AFG1L: variants seen among roughly 807,000 people sequenced by gnomAD.
The protein encoded by AFG1L is AFG1-like ATPase.
In AFG1L, 53 loss-of-function variants were observed where a neutral mutation model predicts 62.2. That is an observed-to-expected ratio of 0.85 (90% CI 0.68 to 1.07). The LOEUF is 1.07. Among genes scored for constraint, AFG1L ranks in the 50% least tolerant of loss-of-function variants. The pLI is 0.00. For synonymous variants in AFG1L, 228 were observed against 210.3 expected (o/e 1.08, Z -0.73); for missense variants, 555 against 590.5 (o/e 0.94, Z 0.62).
At chr6:108,473,724 A>AT (rs1772995488) in intron 8 of AFG1L, among the ~76,000 whole-genome samples, 2 of 151,802 alleles carry the variant, frequency 1.3e-5, no homozygotes, top group Admixed American at 6.6e-5. Context: ...CACCCAGCTA[A>AT]TTTTTTGTAT....
chr6:108,447,387 G>A, intron 8 of AFG1L, 91 bp downstream of exon 8: 1 of 718,452 alleles, frequency 1.4e-6, no homozygotes, highest in Non-Finnish European at 2.4e-6. Context: ...GAACGTGAAA[G>A]GCTGGTTCTG....
At chr6:108,343,498 C>G (rs1778758291) in intron 2 of AFG1L, among the ~76,000 whole-genome samples, 1 of 152,162 alleles carries the variant, frequency 6.6e-6, no homozygotes, top group South Asian at 2.1e-4. Context: ...ACTATTCCCA[C>G]AAAATGTATT....
At position 108,396,782 on chromosome 6, in the gene AFG1L, C is replaced by T. The variant is rs1283553; in HGVS notation, c.749-5214C>T. Among the ~76,000 whole-genome samples the T allele has an allele frequency of 6.5e-3, 982 of 152,182 alleles. 5 individuals carry two copies. The highest frequency in any genetic ancestry group is 0.019 in the African/African-American group (807 of 41,522). ...CTGGGATTACAGGCTTGAGCCACTGCACCCAGGCCATAGTAGGTGTATATC... is the reference window on the plus strand; with the variant it reads ...CTGGGATTACAGGCTTGAGCCACTGTACCCAGGCCATAGTAGGTGTATATC... On this transcript the variant is annotated intron_variant, in intron 6 of 12. Coordinates refer to ENST00000368977, the MANE Select transcript of AFG1L (RefSeq NM_145315.5).
chr6:108,351,646 G>T (rs1295932363), intron 3 of AFG1L, among the ~76,000 whole-genome samples: 1 of 152,194 alleles, frequency 6.6e-6, no homozygotes, highest in Non-Finnish European at 1.5e-5. Context: ...GTGTCAAATT[G>T]TAGGGGAGAA....
chr6:108,389,738 G>A (rs1489876854), intron 6 of AFG1L, among the ~76,000 whole-genome samples: 4 of 152,264 alleles, frequency 2.6e-5, no homozygotes, highest in African/African-American at 4.8e-5. Flanking sequence ...AATTTCTGCC[G>A]AGAGATCCGC....
chr6:108,304,022 T>C (rs545212270), intron 1 of AFG1L, among the ~76,000 whole-genome samples: 1 of 152,308 alleles, frequency 6.6e-6, no homozygotes, highest in South Asian at 2.1e-4. Flanking sequence ...TTTTTCCTTT[T>C]GTAAAGTTAT....
At chr6:108,482,370 C>T (rs990546269) in intron 10 of AFG1L, among the ~76,000 whole-genome samples, 26 of 152,086 alleles carry the variant, frequency 1.7e-4, no homozygotes, top group Admixed American at 1.4e-3. Flanking sequence ...TTAATAGATT[C>T]TATTTTTTAG....
chr6:108,298,471 G>A (rs1582547669), intron 1 of AFG1L, among the ~76,000 whole-genome samples: 1 of 152,020 alleles, frequency 6.6e-6, no homozygotes, highest in African/African-American at 2.4e-5. Flanking sequence ...TCAACATGTT[G>A]GTCAGGCTGG....
chr6:108,303,307 G>A (rs964630789), intron 1 of AFG1L, among the ~76,000 whole-genome samples: 6 of 152,064 alleles, frequency 3.9e-5, no homozygotes, highest in Admixed American at 2.0e-4. Context: ...TTGGCCTCCC[G>A]AAGTGTTAGG....
intron 11 of AFG1L, among the ~76,000 whole-genome samples, chr6:108,514,640 C>T (rs1774803740): frequency 6.6e-6 from 1 of 152,188 alleles, no homozygotes; most frequent in African/African-American, 2.4e-5. Context: ...CAAATTCACA[C>T]ATAACAATAT....
At chr6:108,338,977 G>A (rs1778574797) in intron 2 of AFG1L, among the ~76,000 whole-genome samples, 1 of 151,856 alleles carries the variant, frequency 6.6e-6, no homozygotes, top group Non-Finnish European at 1.5e-5. Flanking sequence ...CTACATCTTT[G>A]TTAATACAGT....
chr6:108,344,800 A>T (rs1267181559), intron 2 of AFG1L: 1 of 471,010 alleles, frequency 2.1e-6, no homozygotes, highest in Non-Finnish European at 4.4e-6. Context: ...GCAGAGTATG[A>T]AGGTTACTCG....
chr6:108,509,279 G>A (rs1044179914), intron 10 of AFG1L, among the ~76,000 whole-genome samples: 5 of 152,284 alleles, frequency 3.3e-5, no homozygotes, highest in Middle Eastern at 3.4e-3. Flanking sequence ...TACTCTCCTC[G>A]TATCAGGAGG....
intron 8 of AFG1L, among the ~76,000 whole-genome samples, chr6:108,458,651 G>T (rs1216485585): frequency 1.3e-5 from 2 of 151,880 alleles, no homozygotes. Context: ...TTATACTCAT[G>T]CCTTCCTCTA....
chr6:108,328,435 G>C (rs955328668), intron 2 of AFG1L, among the ~76,000 whole-genome samples: 6 of 152,040 alleles, frequency 3.9e-5, no homozygotes, highest in African/African-American at 1.4e-4. Context: ...TCACTCTATT[G>C]CCTAGCTGGA....
intron 8 of AFG1L, among the ~76,000 whole-genome samples, chr6:108,454,313 A>G (rs987076194): frequency 2.0e-5 from 3 of 152,236 alleles, no homozygotes; most frequent in Non-Finnish European, 4.4e-5. Flanking sequence ...ATGTATCCAC[A>G]TGGAGACACT....
intron 8 of AFG1L, among the ~76,000 whole-genome samples, chr6:108,464,065 G>A (rs544706010): frequency 1.3e-5 from 2 of 152,284 alleles, no homozygotes; most frequent in East Asian, 3.9e-4. Context: ...TAGAGAACAT[G>A]GAGAGAGAGG....
intron 7 of AFG1L, among the ~76,000 whole-genome samples, chr6:108,416,572 C>T (rs1006111905): frequency 9.2e-5 from 14 of 152,088 alleles, no homozygotes; most frequent in African/African-American, 3.4e-4. Context: ...GGCACATATA[C>T]ACCATGGAAT....
intron 6 of AFG1L, among the ~76,000 whole-genome samples, chr6:108,376,795 T>A (rs1207926936): frequency 1.3e-5 from 2 of 152,128 alleles, no homozygotes; most frequent in Non-Finnish European, 2.9e-5. Context: ...GGTCAACTGT[T>A]AAGTCCAGAA....
Sources: gnomAD v4.1 joint callset for allele counts (sites outside exome capture counted in the v4.1 genomes callset) on GRCh38, gnomAD v4.1.1 for gene constraint, MANE v1.5 for transcripts, NCBI Gene and HGNC (gene_info 2026-07-23, HGNC 2026-07-21) for gene names.